CTNNA2: variants seen among roughly 807,000 people sequenced by gnomAD.
The protein encoded by CTNNA2 is catenin alpha-2.
A neutral mutation model predicts 101.0 loss-of-function variants in CTNNA2; 42 were observed. That is an observed-to-expected ratio of 0.42 (90% CI 0.32 to 0.54). CTNNA2 has a LOEUF of 0.54. Among genes scored for constraint, CTNNA2 ranks in the 20% least tolerant of loss-of-function variants. The probability of loss-of-function intolerance (pLI) is 0.14; values close to 1 mark genes in which losing one functional copy is unlikely to be tolerated. For synonymous variants in CTNNA2, 450 were observed against 456.4 expected (o/e 0.99, Z 0.18); for missense variants, 871 against 1,223.1 (o/e 0.71, Z 4.29).
chr2:79,791,007 A>C (rs1427805971), intron 3 of CTNNA2, among the ~76,000 whole-genome samples: 1 of 152,216 alleles, frequency 6.6e-6, no homozygotes, highest in African/African-American at 2.4e-5. Flanking sequence ...TAAGAGTTGA[A>C]TGAGTCATTT....
intron 14 of CTNNA2, among the ~76,000 whole-genome samples, chr2:80,583,249 G>A (rs569088679): frequency 2.0e-5 from 3 of 152,278 alleles, no homozygotes; most frequent in Non-Finnish European, 2.9e-5. Context: ...GTAAGTGCTC[G>A]ATAAAGATGA....
intron 4 of CTNNA2, among the ~76,000 whole-genome samples, chr2:79,386,171 G>T (rs536842485): frequency 5.3e-5 from 8 of 152,108 alleles, no homozygotes; most frequent in African/African-American, 7.2e-5. Context: ...GTTCAATAGG[G>T]TCTTTTTAAC....
At chr2:80,531,430 A>G (rs2149595603) in intron 9 of CTNNA2, among the ~76,000 whole-genome samples, 1 of 152,322 alleles carries the variant, frequency 6.6e-6, no homozygotes, top group South Asian at 2.1e-4. Flanking sequence ...GCCACAGATG[A>G]AAGGCTGCAC....
chr2:80,488,393 C>T (rs531058810), intron 9 of CTNNA2, among the ~76,000 whole-genome samples: 13 of 152,024 alleles, frequency 8.6e-5, no homozygotes, highest in South Asian at 6.2e-4. Flanking sequence ...GGGAAAATTC[C>T]CTAAGTCCCT....
chr2:80,555,261 G>GA (rs1161509447), intron 11 of CTNNA2, among the ~76,000 whole-genome samples: 4 of 152,222 alleles, frequency 2.6e-5, no homozygotes, highest in Non-Finnish European at 4.4e-5. Flanking sequence ...TACTTGGTCA[G>GA]ATTGACTTCA....
chr2:80,221,096 T>C (rs1039915532), intron 7 of CTNNA2, among the ~76,000 whole-genome samples: 1 of 152,180 alleles, frequency 6.6e-6, no homozygotes, highest in Non-Finnish European at 1.5e-5. Context: ...TTGGCCAGGC[T>C]GGTCTCCAAC....
chr2:80,605,128 C>A (rs1697891204), intron 16 of CTNNA2: 1 of 151,926 alleles, frequency 6.6e-6, no homozygotes. Flanking sequence ...TGCTTTCAAA[C>A]CAAACTAGGA....
chr2:79,596,393 A>G (rs969566267), intron 1 of CTNNA2, among the ~76,000 whole-genome samples: 1 of 152,224 alleles, frequency 6.6e-6, no homozygotes, highest in Non-Finnish European at 1.5e-5. Context: ...TATAATATAT[A>G]TAAGTTCCCC....
At chr2:79,457,369 T>C (rs1383760456) in intron 4 of CTNNA2, among the ~76,000 whole-genome samples, 4 of 152,172 alleles carry the variant, frequency 2.6e-5, no homozygotes, top group African/African-American at 9.7e-5. Flanking sequence ...TTTTAATTAT[T>C]ACATTTCTGA....
At chr2:79,835,951 C>A (rs1025463166) in intron 3 of CTNNA2, among the ~76,000 whole-genome samples, 1 of 151,974 alleles carries the variant, frequency 6.6e-6, no homozygotes, top group Non-Finnish European at 1.5e-5. Context: ...TTTTGACTCT[C>A]TTCTTTCATC....
At position 79,320,284 on chromosome 2, in the gene CTNNA2, T is replaced by TTA. The variant is rs1553398198; in HGVS notation, c.-318+7488_-318+7489insTA. On this transcript the variant is annotated intron_variant, in intron 3 of 21. Coordinates refer to the CTNNA2 transcript ENST00000466387. ...AATTTTTTTTTTTTTTTTTTTTTTT[T>TTA]ACCAAGATCTTGAAGAAAATGGCAG... Among the ~76,000 whole-genome samples, 14 of 146,208 alleles carry TTA rather than the reference T, an allele frequency of 9.6e-5. No homozygotes were observed. In the East Asian group the frequency reaches 2.8e-3, roughly 29 times the overall value.
chr2:80,505,840 A>G (rs995303231), intron 9 of CTNNA2, among the ~76,000 whole-genome samples: 1 of 152,248 alleles, frequency 6.6e-6, no homozygotes, highest in African/African-American at 2.4e-5. Context: ...TTGCTATTAA[A>G]GTTAGTTAAA....
intron 4 of CTNNA2, among the ~76,000 whole-genome samples, chr2:79,859,418 T>C (rs1327003718): frequency 6.6e-6 from 1 of 152,264 alleles, no homozygotes; most frequent in African/African-American, 2.4e-5. Context: ...GGGCAGGATC[T>C]TTTACCGAAG....
chr2:80,334,465 T>C (rs1671607702), intron 7 of CTNNA2, among the ~76,000 whole-genome samples: 1 of 152,230 alleles, frequency 6.6e-6, no homozygotes, highest in Non-Finnish European at 1.5e-5. Flanking sequence ...GTAATTCATT[T>C]TTCAAAAACA....
rs552029071 is a variant in CTNNA2, at chr2:80,514,752, C to T, written c.1291-30230C>T. On this transcript the variant is annotated intron_variant, in intron 9 of 18. Transcript: ENST00000402739. Reference sequence around the variant, plus strand: ...TCAAGTCACCTCTCTCCAGTCAAGCCGCTTCTGTCTCCCTGCTGACTGAGT... The same window carrying T: ...TCAAGTCACCTCTCTCCAGTCAAGCTGCTTCTGTCTCCCTGCTGACTGAGT... Among the ~76,000 whole-genome samples the T allele has an allele frequency of 5.3e-5, 8 of 152,202 alleles. 1 individual carries two copies. The highest frequency in any genetic ancestry group is 1.4e-4 in the African/African-American group (6 of 41,544).
chr2:80,536,585 T>C (rs1449338154), intron 9 of CTNNA2, among the ~76,000 whole-genome samples: 1 of 152,224 alleles, frequency 6.6e-6, no homozygotes, highest in Non-Finnish European at 1.5e-5. Context: ...ATCACAAATA[T>C]TAAAAAATGT....
chr2:79,750,888 G>A (rs963270787), intron 3 of CTNNA2, among the ~76,000 whole-genome samples: 1 of 151,754 alleles, frequency 6.6e-6, no homozygotes, highest in African/African-American at 2.4e-5. Flanking sequence ...AAAAAAAGAG[G>A]TAGATAAGAC....
intron 2 of CTNNA2, among the ~76,000 whole-genome samples, chr2:79,707,919 C>T (rs777541056): frequency 7.9e-5 from 12 of 152,192 alleles, no homozygotes; most frequent in Non-Finnish European, 1.8e-4. Context: ...TGTATCTTCT[C>T]TAAACACATG....
At chr2:79,377,998 C>A (rs1054192900) in intron 4 of CTNNA2, among the ~76,000 whole-genome samples, 1 of 152,108 alleles carries the variant, frequency 6.6e-6, no homozygotes, top group African/African-American at 2.4e-5. Flanking sequence ...TCTTGACATG[C>A]ATGTGGCATC....
Sources: gnomAD v4.1 joint callset for allele counts (sites outside exome capture counted in the v4.1 genomes callset) on GRCh38, gnomAD v4.1.1 for gene constraint, MANE v1.5 for transcripts, NCBI Gene and HGNC (gene_info 2026-07-23, HGNC 2026-07-21) for gene names.